COL6A6: variants seen among roughly 807,000 people sequenced by gnomAD.
COL6A6 encodes collagen type VI alpha 6 chain.
Under a neutral mutation model 208.6 loss-of-function variants are expected in COL6A6, and 183 were observed. The observed-to-expected ratio is 0.88, with a 90% CI of 0.78 to 0.99. The LOEUF is 0.99. COL6A6 is among the 50% of genes least tolerant of loss of function. COL6A6 has a pLI of 0.00. For synonymous variants in COL6A6, 973 were observed against 1,011.8 expected (o/e 0.96, Z 0.73); for missense variants, 2,816 against 2,815.2 (o/e 1.00, Z -0.01).
intron 22 of COL6A6, among the ~76,000 whole-genome samples, chr3:130,609,775 T>C (rs2064299400): frequency 6.6e-6 from 1 of 152,138 alleles, no homozygotes; most frequent in Non-Finnish European, 1.5e-5. Context: ...AAGTAACTAT[T>C]ATATGTTGGC....
intron 19 of COL6A6, among the ~76,000 whole-genome samples, chr3:130,599,060 G>A (rs909217903): frequency 6.6e-6 from 1 of 152,132 alleles, no homozygotes; most frequent in African/African-American, 2.4e-5. Context: ...CTCATGCTCC[G>A]TTGCTTACCA....
intron 6 of COL6A6, among the ~76,000 whole-genome samples, 158 bp from the exon 7 acceptor site, chr3:130,570,660 A>G (rs926747966): frequency 2.6e-5 from 4 of 152,134 alleles, no homozygotes; most frequent in African/African-American, 9.7e-5. Context: ...TCCAGCACCA[A>G]TGTATGTGTA....
chr3:130,533,436 C>G (rs1052695313), intron 1 of COL6A6, among the ~76,000 whole-genome samples: 5 of 152,178 alleles, frequency 3.3e-5, no homozygotes, highest in African/African-American at 1.2e-4. Flanking sequence ...CTTCTTCTTG[C>G]ATGACATCAT....
At chr3:130,553,823 G>A (rs2107812329) in intron 1 of COL6A6, among the ~76,000 whole-genome samples, 1 of 147,478 alleles carries the variant, frequency 6.8e-6, no homozygotes, top group South Asian at 2.2e-4. Flanking sequence ...CTTTGAATGG[G>A]TGTTGCGGTG....
intron 28 of COL6A6, among the ~76,000 whole-genome samples, chr3:130,636,141 A>G (rs2065104786): frequency 6.6e-6 from 1 of 152,176 alleles, no homozygotes; most frequent in Admixed American, 6.5e-5. Context: ...TGTCTTCACT[A>G]TTCAGGTTTT....
intron 1 of COL6A6, among the ~76,000 whole-genome samples, chr3:130,519,043 A>G (rs1388644409): frequency 6.6e-6 from 1 of 152,220 alleles, no homozygotes. Context: ...ATTGTTGAAT[A>G]TAAATACTTG....
intron 1 of COL6A6, among the ~76,000 whole-genome samples, chr3:130,531,039 G>GACAC (rs66824865): frequency 1.4e-5 from 2 of 137,986 alleles, no homozygotes; most frequent in African/African-American, 3.0e-5. Context: ...CACACACACA[G>GACAC]ACACACACAC....
chr3:130,562,745 T>C (rs1448895581), intron 2 of COL6A6, among the ~76,000 whole-genome samples: 2 of 152,110 alleles, frequency 1.3e-5, no homozygotes, highest in Non-Finnish European at 2.9e-5. Flanking sequence ...ATAAAACCCA[T>C]GATTTTTTAT....
At chr3:130,548,016 C>T (rs1448272313) in intron 1 of COL6A6, among the ~76,000 whole-genome samples, 1 of 152,222 alleles carries the variant, frequency 6.6e-6, no homozygotes, top group Non-Finnish European at 1.5e-5. Flanking sequence ...TGGTCTTGAA[C>T]TCCTCACTTC....
chr3:130,652,642 C>A (rs1299950968), intron 33 of COL6A6, among the ~76,000 whole-genome samples: 1 of 152,234 alleles, frequency 6.6e-6, no homozygotes. Context: ...TTGGTTAGAA[C>A]CCAATGTCTG....
chr3:130,601,357 G>A (rs75386434), intron 20 of COL6A6, among the ~76,000 whole-genome samples: 41 of 152,198 alleles, frequency 2.7e-4, no homozygotes, highest in Admixed American at 8.5e-4. Flanking sequence ...GAGCATACCC[G>A]TGTTCTTTGC....
rs772528481 is a variant in COL6A6, at chr3:130,563,184, G to A, written c.181G>A (p.Ala61Thr). 8 of 1,613,874 alleles carry A rather than the reference G, an allele frequency of 5.0e-6. No individual in the cohort carries two copies. The East Asian group carries it at 1.3e-4, about 27-fold the overall frequency. The change falls in exon 3 of 37, where the codon GCC (alanine) becomes ACC (threonine). Residue 61 changes from alanine to threonine, a missense_variant. Ala to Thr is a moderately conservative substitution (Grantham distance 58, BLOSUM62 0). Transcript: ENST00000358511. ...AATGATCAGCAGTCTCCCCATAGAG[G>A]CCGACAAATACCGTGTGGCCCTGGC... is the stretch of plus-strand genomic sequence containing the variant. Reference protein sequence around the residue: ...TKMISSLPIEADKYRVALAQY... With the variant: ...TKMISSLPIETDKYRVALAQY...
Position 130,560,427 on chromosome 3 carries a change from C to T in COL6A6, c.63C>T (p.Ser21=), listed in dbSNP as rs76315272. The T allele has an allele frequency of 8.1e-3, 12,996 of 1,607,194 alleles. 106 individuals carry two copies. The highest frequency in any genetic ancestry group is 0.031 in the African/African-American group (2,334 of 74,704). ...ICSHISVNQD[S]GPEYADVVFL... ...CCCATATTTCTGTGAACCAAGATTCCGGTAAGGAAAAACTGGAAAGAATTC... is the reference window on the plus strand; with the variant it reads ...CCCATATTTCTGTGAACCAAGATTCTGGTAAGGAAAAACTGGAAAGAATTC... Residue 21 remains serine, a splice_region_variant and synonymous_variant, in exon 2 of 37, where the codon TCC becomes TCT. Transcript: ENST00000358511.
intron 34 of COL6A6, among the ~76,000 whole-genome samples, chr3:130,659,460 G>T (rs957702336): frequency 1.3e-5 from 2 of 152,202 alleles, no homozygotes; most frequent in Admixed American, 1.3e-4. Flanking sequence ...TCTAATTCAT[G>T]TAATATCAAT....
At position 130,586,657 on chromosome 3, in the gene COL6A6, G is replaced by A; in HGVS notation, c.4122G>A (p.Gln1374=). The change falls in exon 11 of 37, where the codon CAG becomes CAA. Residue 1374 remains glutamine, a synonymous_variant. Coordinates refer to ENST00000358511, the MANE Select transcript of COL6A6 (RefSeq NM_001102608.3). Reference sequence around the variant, plus strand: ...AACTTGGAAGCCGGCTGTCAAAGCAGCTGGTAAGTTATTCTGAAAAGGCTG... The same window carrying A: ...AACTTGGAAGCCGGCTGTCAAAGCAACTGGTAAGTTATTCTGAAAAGGCTG... ...MRELGSRLSK[Q]LVNVAERTCC... 6.2e-7 allele frequency: 1 copy of A among 1,611,624 alleles called. No individual in the cohort carries two copies.
At chr3:130,555,189 C>A (rs995995916) in intron 1 of COL6A6, among the ~76,000 whole-genome samples, 1 of 152,208 alleles carries the variant, frequency 6.6e-6, no homozygotes, top group Admixed American at 6.5e-5. Flanking sequence ...CTCTAAGCAG[C>A]TTTCTCTGCC....
chr3:130,635,279 TAA>T, intron 27 of COL6A6, among the ~76,000 whole-genome samples: 1 of 151,854 alleles, frequency 6.6e-6, no homozygotes, highest in Non-Finnish European at 1.5e-5. Context: ...GTAAAGAAAA[TAA>T]GAGTTATTTG....
intron 1 of COL6A6, among the ~76,000 whole-genome samples, chr3:130,548,194 G>A (rs1289856949): frequency 6.6e-6 from 1 of 152,118 alleles, no homozygotes; most frequent in African/African-American, 2.4e-5. Flanking sequence ...TTTTTTTAAC[G>A]TTTTAGAAAG....
chr3:130,668,913 C>A (rs2066142286), intron 36 of COL6A6, among the ~76,000 whole-genome samples: 1 of 151,972 alleles, frequency 6.6e-6, no homozygotes, highest in South Asian at 2.1e-4. Flanking sequence ...CATGCAGAAC[C>A]CTGGACAGAA....
Sources: allele counts gnomAD v4.1 joint callset (sites outside exome capture counted in the v4.1 genomes callset), GRCh38; gene constraint gnomAD v4.1.1; transcripts MANE v1.5; gene names NCBI Gene and HGNC (gene_info 2026-07-23, HGNC 2026-07-21).